LRP1B: variants seen among roughly 807,000 people sequenced by gnomAD.
LRP1B encodes low-density lipoprotein receptor-related protein 1B.
LRP1B carries 217 observed loss-of-function variants against 556.6 expected under a neutral mutation model. The ratio of observed to expected loss-of-function variants is 0.39; its 90% confidence interval spans 0.35 to 0.44. The LOEUF is 0.44. Ranked by LOEUF, LRP1B falls within the 20% of genes least tolerant of loss-of-function variation. LRP1B has a pLI of 1.00. For missense variants in LRP1B, 5,053 were observed against 5,620.8 expected, an observed-to-expected ratio of 0.90 and a Z score of 3.23; for synonymous variants, 2,047 against 1,865.8, an observed-to-expected ratio of 1.10 and a Z score of -2.50.
In LRP1B at chr2:140,566,574, T is replaced by C. The variant is rs189301184; in HGVS notation, c.7195-24603A>G. On this transcript the variant is annotated intron_variant, in intron 43 of 90. Transcript: ENST00000389484. ...CCAGTTGCTGCTGAGATTTGCCCCATGGTATTCAAGCTGAAGCTGTGCACT... is the reference window on the plus strand; with the variant it reads ...CCAGTTGCTGCTGAGATTTGCCCCACGGTATTCAAGCTGAAGCTGTGCACT... 2.2e-4 allele frequency among the ~76,000 whole-genome samples: 33 copies of C among 152,190 alleles called. No homozygotes were observed. The East Asian group carries it at 6.0e-3, about 28-fold the overall frequency.
intron 41 of LRP1B, among the ~76,000 whole-genome samples, chr2:140,680,419 C>T (rs16844480): frequency 0.016 from 2,494 of 152,134 alleles, 66 homozygotes; most frequent in African/African-American, 0.056. Context: ...GCTGGGTGGG[C>T]CACATTAGTA....
chr2:141,916,951 G>T (rs1183691997), intron 1 of LRP1B, among the ~76,000 whole-genome samples: 1 of 151,914 alleles, frequency 6.6e-6, no homozygotes, highest in East Asian at 1.9e-4. Context: ...CAGAAAACGA[G>T]GCATCATAAG....
intron 2 of LRP1B, among the ~76,000 whole-genome samples, chr2:141,760,902 C>A (rs1463275419): frequency 6.6e-6 from 1 of 152,182 alleles, no homozygotes; most frequent in Non-Finnish European, 1.5e-5. Flanking sequence ...AATTATTACT[C>A]TCCCCACTTT....
At position 140,722,586 on chromosome 2, in the gene LRP1B, T is replaced by C. The variant is rs539906956; in HGVS notation, c.5759-5770A>G. ...CTTATTTTCAGAAACTAGTTCAACA[T>C]GCTTATCTACCTTGGCTGATAGTGC... On this transcript the variant is annotated intron_variant, in intron 35 of 90. Transcript: ENST00000389484. Among the ~76,000 whole-genome samples the C allele has an allele frequency of 9.8e-5, 15 of 152,328 alleles. No individual in the cohort carries two copies. The East Asian group carries it at 2.3e-3, about 24-fold the overall frequency.
chr2:140,743,138 G>A (rs1688195110), intron 35 of LRP1B, among the ~76,000 whole-genome samples: 1 of 151,948 alleles, frequency 6.6e-6, no homozygotes, highest in Non-Finnish European at 1.5e-5. Context: ...TTAAACTAAT[G>A]AACAAATTCC....
chr2:140,532,890 A>C (rs1215063599), intron 47 of LRP1B, among the ~76,000 whole-genome samples: 1 of 147,502 alleles, frequency 6.8e-6, no homozygotes, highest in East Asian at 1.9e-4. Flanking sequence ...AAAACAAAAA[A>C]GACATATGGG....
chr2:141,706,353 T>C (rs906121593), intron 2 of LRP1B, among the ~76,000 whole-genome samples: 4 of 152,122 alleles, frequency 2.6e-5, no homozygotes, highest in African/African-American at 9.7e-5. Flanking sequence ...GAAGAGAGAC[T>C]GTGTCTCATT....
chr2:140,572,079 T>A (rs950746982), intron 43 of LRP1B, among the ~76,000 whole-genome samples: 4 of 151,460 alleles, frequency 2.6e-5, no homozygotes, highest in Non-Finnish European at 4.4e-5. Flanking sequence ...ATATTATAGG[T>A]CTTGAAAAAT....
At chr2:140,627,541 G>GT (rs2105267322) in intron 41 of LRP1B, among the ~76,000 whole-genome samples, 1 of 152,294 alleles carries the variant, frequency 6.6e-6, no homozygotes, top group East Asian at 1.9e-4. Flanking sequence ...TGCACTGTCA[G>GT]CTTCCCTACT....
chr2:140,720,920 CAG>C (rs1238138655), intron 35 of LRP1B, among the ~76,000 whole-genome samples: 1 of 152,074 alleles, frequency 6.6e-6, no homozygotes, highest in African/African-American at 2.4e-5. Context: ...GATATAATAA[CAG>C]GGTAGAAAAC....
intron 1 of LRP1B, among the ~76,000 whole-genome samples, chr2:142,103,276 T>C (rs767370407): frequency 1.3e-5 from 2 of 151,968 alleles, no homozygotes; most frequent in Non-Finnish European, 2.9e-5. Context: ...TAGTAAATTA[T>C]TTGCATAAAC....
intron 3 of LRP1B, among the ~76,000 whole-genome samples, chr2:141,411,920 G>T (rs1305889081): frequency 6.6e-6 from 1 of 152,052 alleles, no homozygotes; most frequent in Non-Finnish European, 1.5e-5. Context: ...AGGAGAATTT[G>T]ATTTTGAATC....
intron 1 of LRP1B, among the ~76,000 whole-genome samples, chr2:141,964,116 C>T (rs993190470): frequency 6.7e-6 from 1 of 148,162 alleles, no homozygotes; most frequent in Non-Finnish European, 1.5e-5. Context: ...AATGGAAGAA[C>T]ATTCCATGCT....
intron 41 of LRP1B, among the ~76,000 whole-genome samples, chr2:140,640,460 A>G (rs1410256469): frequency 1.9e-5 from 2 of 107,206 alleles, no homozygotes; most frequent in Middle Eastern, 8.8e-3. Context: ...CAGTGGCGCG[A>G]TCTCGGCTCA....
intron 2 of LRP1B, among the ~76,000 whole-genome samples, chr2:141,546,523 AT>A (rs1685559412): frequency 6.6e-6 from 1 of 151,992 alleles, no homozygotes; most frequent in Non-Finnish European, 1.5e-5. Flanking sequence ...TCTTCTAAGG[AT>A]CTTTTGTCGG....
At chr2:140,605,156 C>G (rs1396363373) in intron 41 of LRP1B, among the ~76,000 whole-genome samples, 1 of 152,172 alleles carries the variant, frequency 6.6e-6, no homozygotes, top group African/African-American at 2.4e-5. Flanking sequence ...TTCTTACTTA[C>G]TGGCTTGTTC....
intron 2 of LRP1B, among the ~76,000 whole-genome samples, chr2:141,679,251 T>G (rs1691017915): frequency 6.6e-6 from 1 of 152,116 alleles, no homozygotes; most frequent in South Asian, 2.1e-4. Flanking sequence ...AGCTAACACC[T>G]TAATTGCAGT....
At chr2:141,330,074 T>C (rs1403408152) in intron 3 of LRP1B, among the ~76,000 whole-genome samples, 1 of 152,122 alleles carries the variant, frequency 6.6e-6, no homozygotes, top group Non-Finnish European at 1.5e-5. Context: ...AATCATCAAC[T>C]CTTAAACTCA....
intron 66 of LRP1B, among the ~76,000 whole-genome samples, chr2:140,439,912 C>T (rs183626219): frequency 2.0e-5 from 3 of 151,974 alleles, no homozygotes; most frequent in African/African-American, 2.4e-5. Flanking sequence ...TATTTTAATT[C>T]CCCCCATTAT....
Sources: gnomAD v4.1 joint callset for allele counts (sites outside exome capture counted in the v4.1 genomes callset) on GRCh38, gnomAD v4.1.1 for gene constraint, MANE v1.5 for transcripts, NCBI Gene and HGNC (gene_info 2026-07-23, HGNC 2026-07-21) for gene names.